CD36: variants seen among roughly 807,000 people sequenced by gnomAD.
CD36 encodes the protein platelet glycoprotein 4.
A neutral mutation model predicts 55.2 loss-of-function variants in CD36; 119 were observed. The ratio of observed to expected loss-of-function variants is 2.15; its 90% CI spans 1.86 to 2.51. The LOEUF (loss-of-function observed/expected upper bound fraction) is 2.51. CD36 is among the 30% of genes most tolerant of loss of function. CD36 has a pLI of 0.00. For missense variants in CD36, 819 were observed against 555.5 expected (o/e 1.47, Z -4.77); for synonymous variants, 186 against 193.6 (o/e 0.96, Z 0.33).
chr7:80,673,879 C>G, intron 13 of CD36, 104 bp from the exon 14 acceptor site: 1 of 844,342 alleles, frequency 1.2e-6, no homozygotes, highest in South Asian at 1.4e-5. Context: ...ATACTGATGA[C>G]TAACACCAAT....
At chr7:80,646,252 T>G (rs1352295258) in intron 2 of CD36, 71 bp downstream of exon 2, 2 of 176,860 alleles carry the variant, frequency 1.1e-5, no homozygotes, top group African/African-American at 4.8e-5. Flanking sequence ...TCAACCCACA[T>G]TCTGTTCGCA....
chr7:80,617,598 G>A lies in CD36; in HGVS notation c.-184+15219G>A, dbSNP rs193146332. Among the ~76,000 whole-genome samples the A allele has an allele frequency of 5.2e-3, 794 of 151,954 alleles. 7 individuals are homozygous for A. Among genetic ancestry groups the A allele is most frequent in the African/African-American group, 0.018 (729 of 41,444 alleles). Reference sequence around the variant, plus strand: ...ATAAATTAGCCGGGCATGGTGGCAGGTGCTTGTAGTCCCAGCTACTTGGGA... The same window carrying A: ...ATAAATTAGCCGGGCATGGTGGCAGATGCTTGTAGTCCCAGCTACTTGGGA... On this transcript the variant is annotated intron_variant, in intron 1 of 13. Coordinates refer to the CD36 transcript ENST00000309881.
At chr7:80,675,342 A>G (rs908510482) in intron 14 of CD36, among the ~76,000 whole-genome samples, 16 of 152,268 alleles carry the variant, frequency 1.1e-4, no homozygotes, top group Middle Eastern at 3.4e-3. Context: ...CAAAATAACA[A>G]AAAAACTTGT....
In CD36 at chr7:80,677,447, T is replaced by C. The variant is rs749638156; in HGVS notation, c.*1064T>C. Reference sequence around the variant, plus strand: ...TGGATACTAAAATCGAAAATAACTTTTAGCCTCCTCCTTATGATAGCCGCC... The same window carrying C: ...TGGATACTAAAATCGAAAATAACTTCTAGCCTCCTCCTTATGATAGCCGCC... On this transcript the variant is annotated 3_prime_UTR_variant, in exon 15 of 15. Transcript: ENST00000447544. 7 of 152,160 alleles carry C rather than the reference T, an allele frequency of 4.6e-5. No homozygotes were observed. The highest frequency in any genetic ancestry group is 1.0e-4 in the Non-Finnish European group (7 of 68,032). The allele number at this position is 152,160 out of a possible 1,614,324, so 9.4% of individuals were successfully genotyped here. A position where few individuals can be genotyped will look rare whatever the true frequency, so the allele number is the denominator to read the frequency against.
intron 1 of CD36, among the ~76,000 whole-genome samples, chr7:80,622,429 C>T (rs1793520842): frequency 6.6e-6 from 1 of 152,054 alleles, no homozygotes; most frequent in Non-Finnish European, 1.5e-5. Context: ...ATGGCATCCA[C>T]CAAAAATCAA....
rs1427729985 is a variant in CD36, at chr7:80,673,190, T to TAAGAGCAAAGGAAG, written c.1200-164_1200-151dup. On this transcript the variant is annotated intron_variant, in intron 12 of 14. Coordinates refer to ENST00000447544, the MANE Select transcript of CD36 (RefSeq NM_001001548.3). ...AAAATCAATGTGATTAGAAGACATA[T>TAAGAGCAAAGGAAG]AAGAGCAAAGGAAGTCAAAAACAAC... is the stretch of plus-strand genomic sequence containing the variant. The TAAGAGCAAAGGAAG allele has an allele frequency of 4.9e-5, 26 of 533,056 alleles. No homozygotes were observed. In the East Asian group the frequency reaches 7.9e-4, roughly 16 times the overall value. The allele number at this position is 533,056 out of a possible 1,614,324, so 33.0% of individuals were successfully genotyped here.
At chr7:80,646,884 C>A (rs140457847) in intron 3 of CD36, 24 bp downstream of exon 3, 2 of 1,612,694 alleles carry the variant, frequency 1.2e-6, no homozygotes, top group Non-Finnish European at 1.7e-6. Context: ...AAAGAATATG[C>A]CTTCTCATTT....
At chr7:80,655,016 C>A (rs1380753784) in intron 3 of CD36, among the ~76,000 whole-genome samples, 1 of 152,098 alleles carries the variant, frequency 6.6e-6, no homozygotes, top group Non-Finnish European at 1.5e-5. Flanking sequence ...TTTCTCAGAG[C>A]CTCAGTGTGA....
Position 80,671,183 on chromosome 7 carries a change from T to A in CD36, c.1006+19T>A, listed in dbSNP as rs757280030. 6.6e-6 allele frequency: 10 copies of A among 1,508,496 alleles called. No homozygotes were observed. Among genetic ancestry groups the A allele is most frequent in the Non-Finnish European group, 8.3e-6 (9 of 1,086,230 alleles). The allele number at this position is 1,508,496 out of a possible 1,614,324, so 93.4% of individuals were successfully genotyped here. ...AAAGAAGGTGAGTAAATAACCTCAG[T>A]AGCACAGTCCATACCATAATTTGTG... On this transcript the variant is annotated intron_variant, in intron 10 of 14. Coordinates refer to ENST00000447544, the MANE Select transcript of CD36 (RefSeq NM_001001548.3).
chr7:80,637,894 A>G (rs1794533979), upstream of CD36, among the ~76,000 whole-genome samples: 1 of 123,636 alleles, frequency 8.1e-6, no homozygotes, highest in Non-Finnish European at 1.7e-5. Flanking sequence ...TTTTGATTCA[A>G]TATCAACATA....
intron 4 of CD36, 33 bp from the exon 5 acceptor site, chr7:80,661,030 T>C (rs1224189870): frequency 1.3e-6 from 2 of 1,512,600 alleles, no homozygotes; most frequent in East Asian, 4.5e-5. Context: ...ATATGACAAA[T>C]GTTTTGAATT....
chr7:80,670,497 T>A (rs1797558363), intron 9 of CD36: 1 of 220,066 alleles, frequency 4.5e-6, no homozygotes. Context: ...AAGACAGCAG[T>A]ATTTCTTCAT....
At chr7:80,616,446 T>C (rs1319165489) in intron 1 of CD36, among the ~76,000 whole-genome samples, 2 of 119,964 alleles carry the variant, frequency 1.7e-5, no homozygotes, top group East Asian at 6.0e-4. Context: ...TGTGTGTGTG[T>C]GTGCCTGCAC....
At chr7:80,667,631 A>C (rs1205242359) in intron 8 of CD36, among the ~76,000 whole-genome samples, 4 of 143,460 alleles carry the variant, frequency 2.8e-5, no homozygotes, top group African/African-American at 9.8e-5. Flanking sequence ...CAAAGGTATG[A>C]TTATTGACTT....
chr7:80,616,463 AC>A (rs1793164583), intron 1 of CD36, among the ~76,000 whole-genome samples: 2 of 151,684 alleles, frequency 1.3e-5, no homozygotes, highest in Non-Finnish European at 2.9e-5. Flanking sequence ...GCACGCACAC[AC>A]ACACACACAC....
intron 3 of CD36, among the ~76,000 whole-genome samples, chr7:80,652,243 C>G (rs1206936329): frequency 6.6e-6 from 1 of 152,166 alleles, no homozygotes; most frequent in Non-Finnish European, 1.5e-5. Flanking sequence ...TATGTTTCTT[C>G]TACTAGTCCA....
At chr7:80,608,661 G>T (rs62461673) in intron 1 of CD36, among the ~76,000 whole-genome samples, 50,479 of 151,914 alleles carry the variant, frequency 0.33, 8,633 homozygotes, top group South Asian at 0.46. Flanking sequence ...TCAGGATCTT[G>T]CAGCCAGTTA....
intron 4 of CD36, among the ~76,000 whole-genome samples, chr7:80,658,226 T>C (rs1796243234): frequency 6.6e-6 from 1 of 152,218 alleles, no homozygotes; most frequent in South Asian, 2.1e-4. Context: ...AGCAAGAGTC[T>C]ATACAAGTAT....
intron 1 of CD36, among the ~76,000 whole-genome samples, chr7:80,627,143 G>C (rs1053248850): frequency 7.2e-5 from 11 of 152,028 alleles, no homozygotes; most frequent in Non-Finnish European, 1.5e-4. Context: ...GAGATTGAAA[G>C]AATCAGTCTG....
Sources: allele counts gnomAD v4.1 joint callset (sites outside exome capture counted in the v4.1 genomes callset), GRCh38; gene constraint gnomAD v4.1.1; transcripts MANE v1.5; gene names NCBI Gene and HGNC (gene_info 2026-07-23, HGNC 2026-07-21).